Variants in RSF1 observed in about 807,000 individuals in gnomAD.
RSF1 encodes the protein HBV pX-associated protein 8.
A neutral mutation model predicts 145.2 loss-of-function variants in RSF1; 13 were observed. That is an observed-to-expected ratio of 0.09 (90% confidence interval 0.06 to 0.14). The LOEUF (loss-of-function observed/expected upper bound fraction) is 0.14, where lower values mean the gene tolerates loss of function less well. RSF1 is among the 10% of genes least tolerant of loss of function. The probability of loss-of-function intolerance (pLI) is 1.00; values close to 1 mark genes in which losing one functional copy is unlikely to be tolerated. For missense variants in RSF1, 1,517 were observed against 1,718.2 expected, an observed-to-expected ratio of 0.88 and a Z score of 2.07; for synonymous variants, 577 against 592.6, an observed-to-expected ratio of 0.97 and a Z score of 0.38.
Position 77,667,265 on chromosome 11 carries a change from C to T in RSF1, c.3978G>A (p.Gln1326=), listed in dbSNP as rs766467681. Residue 1326 remains glutamine, a synonymous_variant, in exon 16 of 16, where the codon CAG becomes CAA. Coordinates refer to ENST00000308488, the MANE Select transcript of RSF1 (RefSeq NM_016578.4). The part of the protein sequence containing the change: ...GDANQPARDS[Q]PRVLPSEQES... ...CTTGTTCTGAGGGCAGGACCCTAGGCTGGCTGTCACGGGCAGGCTGATTTG... is the reference window on the plus strand; with the variant it reads ...CTTGTTCTGAGGGCAGGACCCTAGGTTGGCTGTCACGGGCAGGCTGATTTG... 1 of 1,614,200 alleles carries T rather than the reference C, an allele frequency of 6.2e-7. No homozygotes were observed. Among genetic ancestry groups the T allele is most frequent in the Non-Finnish European group, 8.5e-7 (1 of 1,180,022 alleles).
In RSF1 at chr11:77,820,657, A is replaced by C; in HGVS notation, c.58T>G (p.Cys20Gly). The C allele has an allele frequency of 6.4e-7, 1 of 1,559,654 alleles. No homozygotes were observed. The stretch of plus-strand genomic sequence containing the variant: ...GAGCAGACTACGGCGAAGTTGGGGC[A>C]CGAACCCGGGCAGCCCGGAGGAGCC... Reference protein sequence around the residue: ...VMAPPGCPGSCPNFAVVCSFL... With the variant: ...VMAPPGCPGSGPNFAVVCSFL... The change falls in exon 1 of 16, where the codon TGC (cysteine) becomes GGC (glycine). Residue 20 changes from cysteine (C) to glycine (G), a missense_variant. By Grantham distance (159) the Cys-to-Gly change is radical (BLOSUM62 -3). Around this residue, in one of 12 missense-constraint regions of RSF1, gnomAD observed 85 missense variants for 91.8 expected, o/e 0.93. Transcript: ENST00000308488.
intron 5 of RSF1, among the ~76,000 whole-genome samples, chr11:77,721,121 T>A (rs1960931600): frequency 6.6e-6 from 1 of 152,244 alleles, no homozygotes; most frequent in African/African-American, 2.4e-5. Context: ...AGAGTGGTTG[T>A]TATTCCCTCT....
intron 5 of RSF1, among the ~76,000 whole-genome samples, chr11:77,723,759 C>T (rs1434641078): frequency 1.3e-5 from 2 of 152,280 alleles, no homozygotes; most frequent in East Asian, 3.9e-4. Context: ...AAAGGAATAA[C>T]ATTATTTTTA....
chr11:77,811,403 T>C (rs1467826972), intron 1 of RSF1, among the ~76,000 whole-genome samples: 4 of 152,226 alleles, frequency 2.6e-5, no homozygotes, highest in Non-Finnish European at 4.4e-5. Context: ...TTTACCATCT[T>C]GTAGGCTAGG....
At chr11:77,780,453 GT>G (rs1948391159) in intron 1 of RSF1, among the ~76,000 whole-genome samples, 1 of 152,184 alleles carries the variant, frequency 6.6e-6, no homozygotes, top group Non-Finnish European at 1.5e-5. Flanking sequence ...GAAAACTGAA[GT>G]TTTAGGAAGT....
the RSF1 span, chr11:77,830,090 T>C: frequency 1.3e-5 from 2 of 152,250 alleles, no homozygotes; most frequent in South Asian, 2.1e-4. Flanking sequence ...GATTGTGCCA[T>C]TGCACTCCAG....
At chr11:77,863,726 G>A in the RSF1 span, among the ~76,000 whole-genome samples, 2 of 152,052 alleles carry the variant, frequency 1.3e-5, no homozygotes, top group African/African-American at 2.4e-5. Flanking sequence ...TGTTGCCCAG[G>A]CTGGTCTCAA....
At chr11:77,735,085 G>C in intron 4 of RSF1, 2 of 993,922 alleles carry the variant, frequency 2.0e-6, no homozygotes, top group South Asian at 2.6e-5. Context: ...TGGGGCGGCG[G>C]CAGGGGCCTT....
chr11:77,826,820 T>G, the RSF1 span, among the ~76,000 whole-genome samples: 1 of 152,234 alleles, frequency 6.6e-6, no homozygotes, highest in East Asian at 1.9e-4. Context: ...AATACTGAAT[T>G]GGAGCTGGGT....
chr11:77,671,273 T>C (rs988829587), intron 15 of RSF1, among the ~76,000 whole-genome samples: 8 of 148,238 alleles, frequency 5.4e-5, no homozygotes, highest in African/African-American at 2.0e-4. Flanking sequence ...ATTCATATTT[T>C]AGAGCTTGTC....
intron 4 of RSF1, among the ~76,000 whole-genome samples, chr11:77,736,532 T>C (rs751023745): frequency 3.9e-5 from 6 of 152,222 alleles, no homozygotes; most frequent in African/African-American, 2.4e-5. Flanking sequence ...ATCTTATCTT[T>C]ATGAGGAGGC....
intron 5 of RSF1, among the ~76,000 whole-genome samples, chr11:77,713,773 T>C (rs889717870): frequency 2.0e-5 from 3 of 152,180 alleles, no homozygotes; most frequent in Non-Finnish European, 2.9e-5. Flanking sequence ...GACTCAGATG[T>C]TTATCTTAAT....
rs1959295373 is a variant in RSF1 at position 77,663,906 on chromosome 11, T to C, written c.*3011A>G. 1.3e-5 allele frequency: 2 copies of C among 152,182 alleles called. No individual in the cohort carries two copies. Among genetic ancestry groups the C allele is most frequent in the Admixed American group, 1.3e-4 (2 of 15,266 alleles). The allele number at this position is 152,182 out of a possible 1,614,324, so 9.4% of individuals were successfully genotyped here. On this transcript the variant is annotated 3_prime_UTR_variant, in exon 16 of 16. Coordinates refer to ENST00000308488, the MANE Select transcript of RSF1 (RefSeq NM_016578.4). ...TAGAGTTTGACACTGGGAGTCCAAC[T>C]TGTATTTCAACAAGGGGGGTTTAAA...
At chr11:77,691,063 G>C in intron 9 of RSF1, 96 bp downstream of exon 9, 1 of 1,230,354 alleles carries the variant, frequency 8.1e-7, no homozygotes, top group African/African-American at 1.5e-5. Context: ...GCCACAGTAT[G>C]CCAATCCTTG....
chr11:77,751,572 G>A (rs1210728882), intron 2 of RSF1, among the ~76,000 whole-genome samples: 1 of 152,152 alleles, frequency 6.6e-6, no homozygotes, highest in Non-Finnish European at 1.5e-5. Context: ...ATAACCAACA[G>A]ACAGGGCCTC....
At chr11:77,721,393 A>C (rs1024670390) in intron 5 of RSF1, among the ~76,000 whole-genome samples, 6 of 152,226 alleles carry the variant, frequency 3.9e-5, no homozygotes, top group Admixed American at 6.5e-5. Context: ...AGACTACAAG[A>C]ACTACATCTG....
intron 8 of RSF1, chr11:77,691,654 G>C (rs1412526960): frequency 6.4e-6 from 1 of 156,276 alleles, no homozygotes; most frequent in Non-Finnish European, 1.4e-5. Context: ...TGACTGGGCT[G>C]GTGTGAGTGC....
In RSF1 at chr11:77,702,196, C is replaced by A. The variant is rs778838886; in HGVS notation, c.1033G>T (p.Ala345Ser). The A allele has an allele frequency of 6.2e-7, 1 of 1,614,044 alleles. No homozygotes were observed. The highest frequency in any genetic ancestry group is 8.5e-7 in the Non-Finnish European group (1 of 1,180,002). The part of the protein sequence containing the change: ...DTKSSMEKPV[A>S]QEPERIEFGG... ...AATTCGATCCTTTCAGGCTCCTGTG[C>A]CACTGGCTTCTCCATGCTACTTTTG... Residue 345 changes from alanine to serine, a missense_variant, in exon 6 of 16, where the codon GCA (alanine) becomes TCA (serine). By Grantham distance (99) the Ala-to-Ser change is moderately conservative. Transcript: ENST00000308488.
intron 4 of RSF1, 47 bp downstream of exon 4, chr11:77,740,684 T>C: frequency 1.3e-6 from 2 of 1,518,022 alleles, no homozygotes; most frequent in East Asian, 2.3e-5. Context: ...ACGAGATCAA[T>C]GTACAAAACA....
Sources: gnomAD v4.1 joint callset for allele counts (sites outside exome capture counted in the v4.1 genomes callset) on GRCh38, gnomAD v4.1.1 for gene constraint, gnomAD v4.1.1 regional missense constraint, MANE v1.5 for transcripts, NCBI Gene and HGNC (gene_info 2026-07-23, HGNC 2026-07-21) for gene names.